UNC5D: variants seen among roughly 807,000 people sequenced by gnomAD.
UNC5D encodes the protein netrin receptor UNC5D.
Under a neutral mutation model 105.4 loss-of-function variants are expected in UNC5D, and 39 were observed. The observed-to-expected ratio is 0.37, with a 90% CI of 0.29 to 0.48. UNC5D has a LOEUF of 0.48. Ranked by LOEUF, UNC5D falls within the 20% of genes least tolerant of loss-of-function variation. The pLI is 0.98. For synonymous variants in UNC5D, 452 were observed against 450.4 expected (o/e 1.00, Z -0.04); for missense variants, 991 against 1,202.4 (o/e 0.82, Z 2.60).
chr8:35,256,749 T>G (rs994757875), intron 1 of UNC5D: 1 of 152,150 alleles, frequency 6.6e-6, no homozygotes, highest in Non-Finnish European at 1.5e-5. Flanking sequence ...TGCTTCTAAC[T>G]TCATAATGAA....
intron 4 of UNC5D, among the ~76,000 whole-genome samples, chr8:35,600,861 T>C (rs1228719337): frequency 2.0e-5 from 3 of 152,196 alleles, no homozygotes; most frequent in African/African-American, 7.2e-5. Flanking sequence ...GTTTTAGACA[T>C]GAAGACCTTG....
At chr8:35,290,936 G>A (rs1392443219) in intron 1 of UNC5D, among the ~76,000 whole-genome samples, 2 of 145,580 alleles carry the variant, frequency 1.4e-5, no homozygotes, top group Admixed American at 6.9e-5. Context: ...CGACAAAAGC[G>A]AGACTCCATC....
chr8:35,533,356 C>CTCGGGGG (rs1047908282), intron 1 of UNC5D, among the ~76,000 whole-genome samples: 3 of 152,068 alleles, frequency 2.0e-5, no homozygotes, highest in Non-Finnish European at 4.4e-5. Context: ...AGTTAGGCTG[C>CTCGGGGG]TCGGGGGTCA....
Position 35,590,645 on chromosome 8 carries a change from A to G in UNC5D, c.467-4909A>G, listed in dbSNP as rs116132232. Among the ~76,000 whole-genome samples the G allele has an allele frequency of 6.2e-3, 947 of 152,318 alleles. 5 individuals are homozygous for G. Among genetic ancestry groups the G allele is most frequent in the African/African-American group, 0.022 (913 of 41,580 alleles). ...GGATCTAGTAATATACATGACCTCT[A>G]TGAAGCAACCAGTGCTCTTAAACGG... On this transcript the variant is annotated intron_variant, in intron 3 of 16. Transcript: ENST00000404895.
At chr8:35,384,456 A>G (rs1585717956) in intron 1 of UNC5D, among the ~76,000 whole-genome samples, 1 of 152,108 alleles carries the variant, frequency 6.6e-6, no homozygotes, top group Non-Finnish European at 1.5e-5. Context: ...TTAAATTGGA[A>G]GGGGTTTGTG....
intron 1 of UNC5D, among the ~76,000 whole-genome samples, chr8:35,370,434 A>G (rs535278229): frequency 6.6e-6 from 1 of 152,234 alleles, no homozygotes; most frequent in Non-Finnish European, 1.5e-5. Context: ...TTTGAAATGT[A>G]TAAAGCCTTG....
intron 1 of UNC5D, among the ~76,000 whole-genome samples, chr8:35,248,767 T>C (rs1172363166): frequency 2.0e-5 from 2 of 97,760 alleles, no homozygotes; most frequent in South Asian, 3.2e-4. Flanking sequence ...ATATATAATA[T>C]ATTATATAAA....
At chr8:35,580,215 A>G (rs1325525382) in intron 3 of UNC5D, among the ~76,000 whole-genome samples, 3 of 152,162 alleles carry the variant, frequency 2.0e-5, no homozygotes, top group Non-Finnish European at 4.4e-5. Context: ...GGAATATTCA[A>G]TGGACTGCTT....
intron 1 of UNC5D, among the ~76,000 whole-genome samples, chr8:35,459,171 A>C (rs1037620422): frequency 7.2e-5 from 11 of 152,100 alleles, no homozygotes; most frequent in African/African-American, 2.7e-4. Flanking sequence ...GGACAGGCTA[A>C]TTGATCTGAC....
chr8:35,540,917 A>G (rs1195456899), intron 1 of UNC5D, among the ~76,000 whole-genome samples: 9 of 152,154 alleles, frequency 5.9e-5, no homozygotes, highest in African/African-American at 1.9e-4. Context: ...TTGCATTCAA[A>G]GAATGCACAG....
At chr8:35,321,798 G>T (rs1420117572) in intron 1 of UNC5D, among the ~76,000 whole-genome samples, 1 of 152,148 alleles carries the variant, frequency 6.6e-6, no homozygotes, top group Non-Finnish European at 1.5e-5. Flanking sequence ...CATGTTGCAA[G>T]CACTGCCTGT....
At chr8:35,724,370 TAGAG>T (rs1828745268) in intron 9 of UNC5D, 3 of 1,451,708 alleles carry the variant, frequency 2.1e-6, no homozygotes, top group South Asian at 2.7e-5. Flanking sequence ...TCCACTGTCT[TAGAG>T]AGATCCGTTT....
intron 1 of UNC5D, among the ~76,000 whole-genome samples, chr8:35,355,536 T>C (rs1801504274): frequency 6.6e-6 from 1 of 152,112 alleles, no homozygotes; most frequent in South Asian, 2.1e-4. Context: ...TCTTCCATCT[T>C]GGTGCATGTC....
At chr8:35,553,624 G>A (rs1006635042) in intron 2 of UNC5D, among the ~76,000 whole-genome samples, 7 of 152,070 alleles carry the variant, frequency 4.6e-5, no homozygotes, top group Non-Finnish European at 8.8e-5. Flanking sequence ...ACTATCTGCC[G>A]CACACTGCAA....
intron 13 of UNC5D, among the ~76,000 whole-genome samples, chr8:35,753,210 G>A (rs573105613): frequency 6.6e-6 from 1 of 152,068 alleles, no homozygotes; most frequent in African/African-American, 2.4e-5. Flanking sequence ...GACAGTGCTA[G>A]GGAGAATGTT....
chr8:35,539,505 G>A (rs1815116297), intron 1 of UNC5D, among the ~76,000 whole-genome samples: 1 of 152,138 alleles, frequency 6.6e-6, no homozygotes, highest in African/African-American at 2.4e-5. Context: ...AAAACAAAAT[G>A]GGCGTGATGA....
chr8:35,613,364 C>T (rs1391240982), intron 4 of UNC5D, among the ~76,000 whole-genome samples: 1 of 152,210 alleles, frequency 6.6e-6, no homozygotes, highest in African/African-American at 2.4e-5. Flanking sequence ...CCTGAGCTAC[C>T]GCTCCTGGCC....
chr8:35,390,348 G>A, intron 1 of UNC5D, among the ~76,000 whole-genome samples: 1 of 152,268 alleles, frequency 6.6e-6, no homozygotes, highest in South Asian at 2.1e-4. Context: ...ACTTAAAATA[G>A]GCTCTGGATA....
rs1284711249 is a variant in UNC5D at position 35,766,907 on chromosome 8, C to T, written c.2319C>T (p.Val773=). 5 of 1,611,670 alleles carry T rather than the reference C, an allele frequency of 3.1e-6. No homozygotes were observed. In the East Asian group the frequency reaches 1.1e-4, roughly 36 times the overall value. The change falls in exon 15 of 17, where the codon GTC becomes GTT. Residue 773 remains valine, a synonymous_variant. Transcript: ENST00000404895. ...TCTCTCCGTCTCCCCTGCAGGAAGT[C>T]CCGTTCTCCCGCGTGTGGTGCAGTA... ...RIKPFTACQE[V]PFSRVWCSNR... is the part of the protein sequence containing the mutation.
Sources: allele counts gnomAD v4.1 joint callset (sites outside exome capture counted in the v4.1 genomes callset), GRCh38; gene constraint gnomAD v4.1.1; transcripts MANE v1.5; gene names NCBI Gene and HGNC (gene_info 2026-07-23, HGNC 2026-07-21).